Variants in MSI2 observed in about 807,000 individuals in gnomAD.
MSI2 encodes RNA-binding protein Musashi homolog 2.
A neutral mutation model predicts 45.6 loss-of-function variants in MSI2; 17 were observed. The observed-to-expected ratio is 0.37, with a 90% CI of 0.26 to 0.56. The LOEUF is 0.56. MSI2 is among the 20% of genes least tolerant of loss of function. The pLI is 0.77. For synonymous variants in MSI2, 156 were observed against 158.2 expected (o/e 0.99, Z 0.11); for missense variants, 293 against 444.2 (o/e 0.66, Z 3.06).
At chr17:57,271,886 AG>A (rs1438545860) in intron 5 of MSI2, among the ~76,000 whole-genome samples, 1 of 151,876 alleles carries the variant, frequency 6.6e-6, no homozygotes, top group Non-Finnish European at 1.5e-5. Context: ...GCGCTATAAA[AG>A]TTTTTTTCTT....
chr17:57,266,883 G>A (rs1182889464), intron 5 of MSI2: 1 of 152,298 alleles, frequency 6.6e-6, no homozygotes, highest in African/African-American at 2.4e-5. Flanking sequence ...TTGTAGCAGG[G>A]CTGAGCTAGC....
At chr17:57,288,632 A>G (rs1352495812) in intron 5 of MSI2, among the ~76,000 whole-genome samples, 2 of 152,112 alleles carry the variant, frequency 1.3e-5, no homozygotes, top group African/African-American at 4.8e-5. Context: ...CAGTGTCTAG[A>G]TGATAGATGG....
intron 6 of MSI2, among the ~76,000 whole-genome samples, chr17:57,513,732 C>A (rs1419297160): frequency 6.6e-6 from 1 of 152,204 alleles, no homozygotes; most frequent in African/African-American, 2.4e-5. Flanking sequence ...CTGGCCAGCT[C>A]CTTGTGCTTC....
chr17:57,649,512 A>G (rs2144678420), intron 10 of MSI2, among the ~76,000 whole-genome samples: 2 of 152,182 alleles, frequency 1.3e-5, no homozygotes, highest in Admixed American at 1.3e-4. Context: ...CACACATTAC[A>G]CACATACACC....
intron 8 of MSI2, among the ~76,000 whole-genome samples, chr17:57,614,588 C>A (rs542626468): frequency 6.6e-6 from 1 of 152,104 alleles, no homozygotes. Context: ...GTCTTTTCTC[C>A]GTCACTATCA....
chr17:57,347,352 T>C (rs1465171806), intron 5 of MSI2, among the ~76,000 whole-genome samples: 1 of 152,238 alleles, frequency 6.6e-6, no homozygotes. Flanking sequence ...ATAGCTCTTT[T>C]AAAATGATCT....
At chr17:57,562,919 G>A (rs911112835) in intron 7 of MSI2, among the ~76,000 whole-genome samples, 2 of 151,854 alleles carry the variant, frequency 1.3e-5, no homozygotes, top group African/African-American at 2.4e-5. Context: ...CCAACATGAC[G>A]AAACCCTGTC....
At chr17:57,689,610 A>G (rs892693616), downstream of MSI2, among the ~76,000 whole-genome samples, 1 of 152,224 alleles carries the variant, frequency 6.6e-6, no homozygotes, top group African/African-American at 2.4e-5. Flanking sequence ...ACAAATATAT[A>G]CTATACACCT....
chr17:57,557,680 G>T (rs2144224930), intron 7 of MSI2, among the ~76,000 whole-genome samples: 1 of 152,344 alleles, frequency 6.6e-6, no homozygotes, highest in East Asian at 1.9e-4. Context: ...TGGAAGTCTG[G>T]CAGGTGTACA....
chr17:57,478,222 G>A (rs976081597), intron 6 of MSI2, among the ~76,000 whole-genome samples: 1 of 152,234 alleles, frequency 6.6e-6, no homozygotes, highest in Non-Finnish European at 1.5e-5. Flanking sequence ...TAGCTCTGGG[G>A]GAGTTTGACC....
intron 11 of MSI2, among the ~76,000 whole-genome samples, chr17:57,662,003 C>A (rs1228880691): frequency 6.6e-6 from 1 of 152,162 alleles, no homozygotes; most frequent in Non-Finnish European, 1.5e-5. Context: ...CCTGCTTTCC[C>A]CAACAATACA....
intron 9 of MSI2, among the ~76,000 whole-genome samples, chr17:57,623,473 G>A (rs769427037): frequency 2.0e-5 from 3 of 152,192 alleles, no homozygotes; most frequent in Non-Finnish European, 4.4e-5. Context: ...CCAAAATGGG[G>A]ACTCAAAATG....
chr17:57,516,236 T>G (rs1241394427), intron 6 of MSI2, among the ~76,000 whole-genome samples: 1 of 152,220 alleles, frequency 6.6e-6, no homozygotes, highest in Non-Finnish European at 1.5e-5. Context: ...CAACCACTGA[T>G]CTGTTCCTCA....
intron 5 of MSI2, among the ~76,000 whole-genome samples, chr17:57,356,211 C>T (rs549400542): frequency 4.6e-5 from 7 of 152,202 alleles, no homozygotes; most frequent in South Asian, 2.1e-4. Flanking sequence ...AAGAGAGTGA[C>T]GGGGAAAGAA....
chr17:57,586,832 G>A (rs756229142), intron 7 of MSI2, among the ~76,000 whole-genome samples: 2 of 146,158 alleles, frequency 1.4e-5, no homozygotes, highest in Admixed American at 7.0e-5. Flanking sequence ...GGCCAACGTG[G>A]CAAAACCCCA....
At chr17:57,512,958 T>G (rs2086385987) in intron 6 of MSI2, among the ~76,000 whole-genome samples, 1 of 141,178 alleles carries the variant, frequency 7.1e-6, no homozygotes, top group Admixed American at 7.7e-5. Flanking sequence ...GCACATGAAT[T>G]AGCTTCTTCC....
intron 6 of MSI2, among the ~76,000 whole-genome samples, chr17:57,436,006 A>C (rs2084684103): frequency 6.6e-6 from 1 of 152,172 alleles, no homozygotes; most frequent in Non-Finnish European, 1.5e-5. Context: ...AAAACCCAAA[A>C]CTTCCATGCT....
chr17:57,621,924 A>C (rs1325448083), intron 9 of MSI2, among the ~76,000 whole-genome samples: 1 of 152,222 alleles, frequency 6.6e-6, no homozygotes, highest in Non-Finnish European at 1.5e-5. Context: ...GGTCTTTTGC[A>C]GGTCAGTGCA....
At chr17:57,631,952 G>C in intron 10 of MSI2, 1 of 1,475,652 alleles carries the variant, frequency 6.8e-7, no homozygotes, top group Non-Finnish European at 9.0e-7. Flanking sequence ...TTAGCTGCCT[G>C]TTTGAATGAC....
Sources: allele counts gnomAD v4.1 joint callset (sites outside exome capture counted in the v4.1 genomes callset), GRCh38; gene constraint gnomAD v4.1.1; transcripts MANE v1.5; gene names NCBI Gene and HGNC (gene_info 2026-07-23, HGNC 2026-07-21).